GLT6D1: variants seen among roughly 807,000 people sequenced by gnomAD.
The protein encoded by GLT6D1 is putative glycosyltransferase 6 domain-containing protein 1.
In GLT6D1, 9 loss-of-function variants were observed where a neutral mutation model predicts 12.3. The ratio of observed to expected loss-of-function variants is 0.73; its 90% CI spans 0.44 to 1.27. The LOEUF is 1.27. Ranked by LOEUF, GLT6D1 falls within the 50% of genes most tolerant of loss-of-function variation. GLT6D1 has a pLI of 0.00. For missense variants in GLT6D1, 335 were observed against 346.2 expected (o/e 0.97, Z 0.26); for synonymous variants, 128 against 132.3 (o/e 0.97, Z 0.23).
In GLT6D1 at chr9:135,639,308, T is replaced by C. The variant is rs1343667583; in HGVS notation, c.-22A>G. On this transcript the variant is annotated 5_prime_UTR_variant, in exon 1 of 5. Coordinates refer to ENST00000371763, the MANE Select transcript of GLT6D1 (RefSeq NM_182974.3). ...GGACACCAACCTTAGAGGTTGCTTC[T>C]AGAATGTTCAGCTGGCAGGAGACAG... The C allele has an allele frequency of 3.5e-6, 2 of 577,518 alleles. No homozygotes were observed. Among genetic ancestry groups the C allele is most frequent in the Non-Finnish European group, 6.1e-6 (2 of 327,284 alleles). The allele number at this position is 577,518 out of a possible 1,614,324, so 35.8% of individuals were successfully genotyped here.
In GLT6D1 at chr9:135,624,593, T is replaced by C. The variant is rs749206975; in HGVS notation, c.335A>G (p.Tyr112Cys). ...CTTGAAGAAGGCGTCCACCATGATG[T>C]AGAAGATCACTCGGTAGCCTGTCAT... ...HFMTGYRVIF[Y>C]IMVDAFFKLP... The change falls in exon 5 of 5, where the codon TAC (tyrosine) becomes TGC (cysteine). Residue 112 changes from tyrosine to cysteine, a missense_variant. Transcript: ENST00000371763. 1.9e-6 allele frequency: 3 copies of C among 1,613,504 alleles called. No homozygotes were observed. Among genetic ancestry groups the C allele is most frequent in the Non-Finnish European group, 2.5e-6 (3 of 1,179,956 alleles).
At chr9:135,630,082 A>T (rs1033237819) in intron 3 of GLT6D1, among the ~76,000 whole-genome samples, 1 of 152,224 alleles carries the variant, frequency 6.6e-6, no homozygotes, top group Non-Finnish European at 1.5e-5. Flanking sequence ...TACAAAATGT[A>T]ATAAAACTCG....
Position 135,627,497 on chromosome 9 carries a change from G to T in GLT6D1, c.120-1291C>A, listed in dbSNP as rs1164242038. ...ATCTACTTTCTGTCTCTGTAGATTT[G>T]CCTGTTCTGGAAATATGGCTGAATA... On this transcript the variant is annotated intron_variant, in intron 3 of 4. Transcript: ENST00000371763. 2.0e-5 allele frequency among the ~76,000 whole-genome samples: 3 copies of T among 152,252 alleles called. No homozygotes were observed. The East Asian group carries it at 5.8e-4, about 29-fold the overall frequency.
chr9:135,636,502 G>A (rs879449612), intron 2 of GLT6D1, among the ~76,000 whole-genome samples: 3 of 152,108 alleles, frequency 2.0e-5, no homozygotes, highest in Non-Finnish European at 2.9e-5. Flanking sequence ...AGGATACCTC[G>A]AACCTCCTAG....
intron 2 of GLT6D1, among the ~76,000 whole-genome samples, chr9:135,632,691 AG>A (rs1564276343): frequency 6.7e-6 from 1 of 148,380 alleles, no homozygotes; most frequent in Non-Finnish European, 1.5e-5. Context: ...TTTTCGAGAC[AG>A]AGTCTTGCTC....
At position 135,624,362 on chromosome 9, in the gene GLT6D1, G is replaced by A. The variant is rs190884433; in HGVS notation, c.566C>T (p.Pro189Leu). Residue 189 changes from proline to leucine, a missense_variant, in exon 5 of 5, where the codon CCG (proline) becomes CTG (leucine). Coordinates refer to ENST00000371763, the MANE Select transcript of GLT6D1 (RefSeq NM_182974.3). Reference protein sequence around the residue: ...QNEFGVETLGPLVAQLHAWWY... With the variant: ...QNEFGVETLGLLVAQLHAWWY... ...CCAGGCGTGGAGCTGGGCCACCAAC[G>A]GGCCCAGGGTCTCCACCCCGAACTC... 26 of 1,613,802 alleles carry A rather than the reference G, an allele frequency of 1.6e-5. No individual in the cohort carries two copies. In the African/African-American group the frequency reaches 2.7e-4, roughly 17 times the overall value.
chr9:135,626,122 T>A lies in GLT6D1; in HGVS notation c.204A>T (p.Lys68Asn). ...CAGTGATATTCCGCCTTCTGTAATG[T>A]TTTTCCAGGACCCGCCTGTCGAAAG... ...EGTFDRRVLE[K>N]HYRRRNITVG... The change falls in exon 4 of 5, where the codon AAA (lysine) becomes AAT (asparagine). Residue 68 changes from lysine (K) to asparagine (N), a missense_variant. By Grantham distance (94) the Lys-to-Asn change is moderately conservative (BLOSUM62 0). Coordinates refer to ENST00000371763, the MANE Select transcript of GLT6D1 (RefSeq NM_182974.3). 1 of 1,614,062 alleles carries A rather than the reference T, an allele frequency of 6.2e-7. No homozygotes were observed. The highest frequency in any genetic ancestry group is 8.5e-7 in the Non-Finnish European group (1 of 1,179,986).
chr9:135,636,531 A>G (rs1833776806), intron 2 of GLT6D1, among the ~76,000 whole-genome samples: 1 of 152,076 alleles, frequency 6.6e-6, no homozygotes, highest in Non-Finnish European at 1.5e-5. Context: ...TTAAATTTAC[A>G]TATGTTAATT....
chr9:135,637,071 C>T (rs1441100109), intron 2 of GLT6D1, among the ~76,000 whole-genome samples: 4 of 151,890 alleles, frequency 2.6e-5, no homozygotes, highest in Admixed American at 6.6e-5. Context: ...AGGCTGGTCT[C>T]GAACTCCCGG....
chr9:135,633,971 G>T (rs562558878), intron 2 of GLT6D1, among the ~76,000 whole-genome samples: 9 of 152,218 alleles, frequency 5.9e-5, no homozygotes, highest in African/African-American at 2.2e-4. Flanking sequence ...TTAGCGTATG[G>T]GTCCCTGTCC....
chr9:135,640,819 G>C (rs1356431729), upstream of GLT6D1, among the ~76,000 whole-genome samples: 1 of 152,140 alleles, frequency 6.6e-6, no homozygotes, highest in Non-Finnish European at 1.5e-5. Flanking sequence ...GCAGGCTTCG[G>C]TTGGGCCCAG....
At chr9:135,630,857 T>C (rs1471742455) in intron 3 of GLT6D1, among the ~76,000 whole-genome samples, 1 of 152,150 alleles carries the variant, frequency 6.6e-6, no homozygotes, top group Non-Finnish European at 1.5e-5. Flanking sequence ...GATAAAATGG[T>C]ACCATTATTA....
intron 3 of GLT6D1, among the ~76,000 whole-genome samples, chr9:135,629,755 G>A (rs888448842): frequency 6.6e-6 from 1 of 152,132 alleles, no homozygotes; most frequent in Non-Finnish European, 1.5e-5. Flanking sequence ...TGCTTCATAT[G>A]TTTTAGGACT....
chr9:135,631,497 T>C lies in GLT6D1; in HGVS notation c.72-19A>G, dbSNP rs752157713. ...GTGATTCCTGGATACAAAGAGAAAA[T>C]CAAGTGATTGCAAGGAGCCTGTTCA... On this transcript the variant is annotated intron_variant, in intron 2 of 4. Coordinates refer to ENST00000371763, the MANE Select transcript of GLT6D1 (RefSeq NM_182974.3). 1 of 1,585,520 alleles carries C rather than the reference T, an allele frequency of 6.3e-7. No individual in the cohort carries two copies. Among genetic ancestry groups the C allele is most frequent in the East Asian group, 2.2e-5 (1 of 44,710 alleles).
At chr9:135,638,550 T>C (rs1465951504) in intron 2 of GLT6D1, among the ~76,000 whole-genome samples, 2 of 152,178 alleles carry the variant, frequency 1.3e-5, no homozygotes, top group East Asian at 3.8e-4. Flanking sequence ...GCTTGTTTTA[T>C]AAAATATTAT....
chr9:135,631,679 G>T (rs1833652948), intron 2 of GLT6D1, among the ~76,000 whole-genome samples: 1 of 152,106 alleles, frequency 6.6e-6, no homozygotes, highest in Non-Finnish European at 1.5e-5. Flanking sequence ...GGGAAAGGAG[G>T]TCATGGCCAA....
At chr9:135,624,720 CTTTCTTTTTTTT>C (rs1833458169) in intron 4 of GLT6D1, 50 bp from the exon 5 acceptor site, 3 of 820,522 alleles carry the variant, frequency 3.7e-6, no homozygotes, top group African/African-American at 2.1e-5. Flanking sequence ...TTTTTCTTTT[CTTTCTTTTTTTT>C]TTTTTTTTTT....
At chr9:135,636,098 T>C (rs1418244496) in intron 2 of GLT6D1, among the ~76,000 whole-genome samples, 1 of 152,210 alleles carries the variant, frequency 6.6e-6, no homozygotes, top group East Asian at 1.9e-4. Context: ...CTCACACCTG[T>C]AATCCCAGAA....
At chr9:135,634,442 C>CTTT (rs370291630) in intron 2 of GLT6D1, among the ~76,000 whole-genome samples, 1,142 of 54,758 alleles carry the variant, frequency 0.021, 36 homozygotes, top group African/African-American at 0.029. Context: ...TTTTCCTTTC[C>CTTT]TTTTTTTTTT....
Sources: allele counts gnomAD v4.1 joint callset (sites outside exome capture counted in the v4.1 genomes callset), GRCh38; gene constraint gnomAD v4.1.1; transcripts MANE v1.5; gene names NCBI Gene and HGNC (gene_info 2026-07-23, HGNC 2026-07-21).